Variants in FRMPD1 observed in about 807,000 individuals in gnomAD.
The protein encoded by FRMPD1 is FERM and PDZ domain-containing protein 1.
Under a neutral mutation model 117.8 loss-of-function variants are expected in FRMPD1, and 76 were observed. That is an observed-to-expected ratio of 0.65 (90% confidence interval 0.54 to 0.78). FRMPD1 has a LOEUF of 0.78. FRMPD1 is among the 30% of genes least tolerant of loss of function. FRMPD1 has a pLI of 0.00. For synonymous variants in FRMPD1, 783 were observed against 770.4 expected (o/e 1.02, Z -0.27); for missense variants, 1,786 against 1,964.5 (o/e 0.91, Z 1.72).
At chr9:37,697,408 A>C (rs1052046501) in intron 2 of FRMPD1, among the ~76,000 whole-genome samples, 2 of 152,000 alleles carry the variant, frequency 1.3e-5, no homozygotes, top group Non-Finnish European at 2.9e-5. Context: ...CTAAAAAAAA[A>C]ACAAAAAAAT....
chr9:37,719,714 TGA>T (rs1021847744), intron 6 of FRMPD1, among the ~76,000 whole-genome samples: 1 of 152,182 alleles, frequency 6.6e-6, no homozygotes, highest in African/African-American at 2.4e-5. Flanking sequence ...GATCACATGG[TGA>T]GAAAATGCAG....
intron 2 of FRMPD1, among the ~76,000 whole-genome samples, chr9:37,696,437 A>G (rs1822327136): frequency 6.6e-6 from 1 of 152,160 alleles, no homozygotes; most frequent in Non-Finnish European, 1.5e-5. Context: ...GCCTTAACAG[A>G]GTCCATAGTA....
chr9:37,721,413 A>G (rs183472262), intron 6 of FRMPD1, among the ~76,000 whole-genome samples: 28 of 152,364 alleles, frequency 1.8e-4, no homozygotes, highest in Admixed American at 7.8e-4. Flanking sequence ...CCAACATTTG[A>G]AATATGTTTG....
chr9:37,636,687 C>T, the FRMPD1 span: 6 of 1,549,652 alleles, frequency 3.9e-6, no homozygotes. Context: ...CAGTGCCCCT[C>T]CTAGCAACAA....
intron 12 of FRMPD1, among the ~76,000 whole-genome samples, chr9:37,735,089 TAAG>T (rs1824058596): frequency 6.6e-6 from 1 of 152,160 alleles, no homozygotes; most frequent in African/African-American, 2.4e-5. Context: ...ATAATTAAAA[TAAG>T]AAGTCATAAG....
intron 5 of FRMPD1, among the ~76,000 whole-genome samples, chr9:37,714,318 A>G (rs776532468): frequency 5.3e-5 from 8 of 152,226 alleles, no homozygotes; most frequent in Non-Finnish European, 1.0e-4. Context: ...AAAAGAAAAT[A>G]CTTAATGTAG....
the FRMPD1 span, among the ~76,000 whole-genome samples, chr9:37,630,162 G>C: frequency 6.6e-6 from 1 of 152,198 alleles, no homozygotes; most frequent in African/African-American, 2.4e-5. Context: ...TTCAACATGT[G>C]AATTTTGGGG....
chr9:37,617,592 G>C, the FRMPD1 span, among the ~76,000 whole-genome samples: 1 of 152,212 alleles, frequency 6.6e-6, no homozygotes, highest in Non-Finnish European at 1.5e-5. Flanking sequence ...ATTAAATTGA[G>C]TTCATGATCC....
At chr9:37,635,752 G>A in the FRMPD1 span, among the ~76,000 whole-genome samples, 10 of 152,210 alleles carry the variant, frequency 6.6e-5, no homozygotes, top group Admixed American at 2.0e-4. Context: ...GTGCAGAGTG[G>A]GTGGGCAGAG....
At chr9:37,635,637 G>C in the FRMPD1 span, among the ~76,000 whole-genome samples, 1 of 152,184 alleles carries the variant, frequency 6.6e-6, no homozygotes, top group Admixed American at 6.5e-5. Context: ...GGCACAGGTG[G>C]GACAGGCAAG....
At position 37,729,838 on chromosome 9, in the gene FRMPD1, G is replaced by C; in HGVS notation, c.723G>C (p.Glu241Asp). 1 of 1,613,776 alleles carries C rather than the reference G, an allele frequency of 6.2e-7. No homozygotes were observed. The highest frequency in any genetic ancestry group is 1.1e-5 in the South Asian group (1 of 91,054). Reference sequence around the variant, plus strand: ...CCCGGCTGCACCTGCTGCACGAAGAGGAACTCATCCAGCAGGTAGGGAGGA... The same window carrying C: ...CCCGGCTGCACCTGCTGCACGAAGACGAACTCATCCAGCAGGTAGGGAGGA... Reference protein sequence around the residue: ...SISRLHLLHEEELIQQVVERE... With the variant: ...SISRLHLLHEDELIQQVVERE... Residue 241 changes from glutamate to aspartate, a missense_variant, in exon 8 of 16, where the codon GAG (glutamate) becomes GAC (aspartate). Glu to Asp is a conservative substitution (Grantham distance 45). Transcript: ENST00000377765.
the FRMPD1 span, among the ~76,000 whole-genome samples, chr9:37,609,440 G>C: frequency 6.6e-6 from 1 of 152,040 alleles, no homozygotes; most frequent in Non-Finnish European, 1.5e-5. Context: ...GGTTGCTGAG[G>C]CCCAAAACCT....
In FRMPD1 at chr9:37,746,621, C is replaced by T. The variant is rs771615407; in HGVS notation, c.4589C>T (p.Thr1530Ile). 1.2e-6 allele frequency: 2 copies of T among 1,613,878 alleles called. No homozygotes were observed. The highest frequency in any genetic ancestry group is 8.5e-7 in the Non-Finnish European group (1 of 1,179,776). ...AAGNLRDVVYTYHQFIEAAKS... is the reference protein window; with the variant it reads ...AAGNLRDVVYIYHQFIEAAKS... ...GGGAACCTGAGGGATGTGGTGTACA[C>T]CTACCATCAGTTTATAGAGGCTGCT... is the stretch of plus-strand genomic sequence containing the variant. The change falls in exon 16 of 16, where the codon ACC becomes ATC. Residue 1530 changes from threonine to isoleucine, a missense_variant. Physicochemically the swap from Thr to Ile is moderately conservative, Grantham distance 89 (BLOSUM62 -1). Coordinates refer to ENST00000377765, the MANE Select transcript of FRMPD1 (RefSeq NM_014907.3).
At chr9:37,691,139 G>A (rs1822119844) in intron 1 of FRMPD1, among the ~76,000 whole-genome samples, 1 of 152,254 alleles carries the variant, frequency 6.6e-6, no homozygotes, top group Non-Finnish European at 1.5e-5. Flanking sequence ...TTGTCATTCA[G>A]TTAGAAGAGT....
the FRMPD1 span, among the ~76,000 whole-genome samples, chr9:37,616,942 G>A: frequency 6.6e-6 from 1 of 152,206 alleles, no homozygotes; most frequent in Non-Finnish European, 1.5e-5. Context: ...ACCCCTCTTA[G>A]ACTCAGAAGT....
Position 37,744,663 on chromosome 9 carries a change from T to A in FRMPD1, c.2631T>A (p.Leu877=). ...CYYDREPYLA[L]GAPSPTVSSL... ...ATGACAGGGAGCCCTACCTGGCCCTTGGTGCACCCTCCCCAACTGTGTCCT... is the reference window on the plus strand; with the variant it reads ...ATGACAGGGAGCCCTACCTGGCCCTAGGTGCACCCTCCCCAACTGTGTCCT... Residue 877 remains leucine (L), a synonymous_variant, in exon 16 of 16, where the codon CTT becomes CTA. Coordinates refer to ENST00000377765, the MANE Select transcript of FRMPD1 (RefSeq NM_014907.3). The A allele has an allele frequency of 6.2e-7, 1 of 1,614,072 alleles. No homozygotes were observed. Among genetic ancestry groups the A allele is most frequent in the Non-Finnish European group, 8.5e-7 (1 of 1,180,000 alleles).
At chr9:37,634,089 T>G in the FRMPD1 span, among the ~76,000 whole-genome samples, 2 of 152,208 alleles carry the variant, frequency 1.3e-5, no homozygotes, top group Non-Finnish European at 2.9e-5. Context: ...GCTTATACTA[T>G]TATATATTAA....
At chr9:37,732,226 C>T in intron 9 of FRMPD1, 78 bp from the exon 10 acceptor site, 2 of 1,491,488 alleles carry the variant, frequency 1.3e-6, no homozygotes, top group South Asian at 1.2e-5. Flanking sequence ...CCTGGTCCTG[C>T]TGCCTTTCAC....
intron 1 of FRMPD1, among the ~76,000 whole-genome samples, chr9:37,672,310 C>T (rs1821379677): frequency 6.6e-6 from 1 of 151,872 alleles, no homozygotes; most frequent in South Asian, 2.1e-4. Flanking sequence ...GTGCCATGAA[C>T]AAAAAAGGAA....
Sources: allele counts gnomAD v4.1 joint callset (sites outside exome capture counted in the v4.1 genomes callset), GRCh38; gene constraint gnomAD v4.1.1; transcripts MANE v1.5; gene names NCBI Gene and HGNC (gene_info 2026-07-23, HGNC 2026-07-21).